LRP1: variants seen among roughly 807,000 people sequenced by gnomAD.
LRP1 encodes LDL receptor related protein 1.
Under a neutral mutation model 541.5 loss-of-function variants are expected in LRP1, and 51 were observed. That is an observed-to-expected ratio of 0.09 (90% CI 0.08 to 0.12). The LOEUF is 0.12. Ranked by LOEUF, LRP1 falls within the 10% of genes least tolerant of loss-of-function variation. The pLI is 1.00. For missense variants in LRP1, 3,878 were observed against 6,376.2 expected, an observed-to-expected ratio of 0.61 and a Z score of 13.34; for synonymous variants, 2,219 against 2,470.8, an observed-to-expected ratio of 0.90 and a Z score of 3.02.
chr12:57,212,505 G>A lies in LRP1; in HGVS notation c.13585G>A (p.Glu4529Lys). ...HSLASTDEKR[E>K]LLGRGPEDEI... is the part of the protein sequence containing the mutation. ...CCTGGCCAGCACGGACGAGAAGCGA[G>A]AACTCCTGGGCCGGGGCCCTGAGGA... Residue 4529 changes from glutamate (E) to lysine (K), a missense_variant, in exon 89 of 89, where the codon GAA becomes AAA. This residue lies in a region of LRP1 where 871 missense variants were observed against 1,212.4 expected (regional missense o/e 0.72). Coordinates refer to ENST00000243077, the MANE Select transcript of LRP1 (RefSeq NM_002332.3). This position sits in a 1 kb window ranked among gnomAD's most constrained non-coding sequence, Gnocchi z 5.0. 2.5e-6 allele frequency: 4 copies of A among 1,613,902 alleles called. No homozygotes were observed. Among genetic ancestry groups the A allele is most frequent in the Non-Finnish European group, 3.4e-6 (4 of 1,179,922 alleles).
intron 1 of LRP1, among the ~76,000 whole-genome samples, chr12:57,134,938 A>T (rs180901548): frequency 6.6e-6 from 1 of 152,132 alleles, no homozygotes; most frequent in Non-Finnish European, 1.5e-5. Flanking sequence ...ATCTCCTGAC[A>T]TCATGATCTG....
Position 57,211,601 on chromosome 12 carries a change from C to G in LRP1, c.13193+13C>G. 6.2e-7 allele frequency: 1 copy of G among 1,612,828 alleles called. No homozygotes were observed. The highest frequency in any genetic ancestry group is 8.5e-7 in the Non-Finnish European group (1 of 1,178,888). On this transcript the variant is annotated intron_variant, in intron 85 of 88. Transcript: ENST00000243077. The surrounding 1 kb of genome is among the most constrained non-coding windows in gnomAD (Gnocchi z 4.3). ...TGCCTGAGTGCCAGTGAGTTGGGCC[C>G]GGGCTTCACCCAGGCATAGATCATC...
In LRP1 at chr12:57,201,578, A is replaced by T; in HGVS notation, c.10427A>T (p.Asp3476Val). ...CCCCGGGTCTGGGTCTGCGACCGGG[A>T]CAATGACTGTGTGGATGGCAGTGAT... ...CIPRVWVCDRDNDCVDGSDEP... is the reference protein window; with the variant it reads ...CIPRVWVCDRVNDCVDGSDEP... The change falls in exon 66 of 89, where the codon GAC (aspartate) becomes GTC (valine). Residue 3476 changes from aspartate (D) to valine (V), a missense_variant. This residue lies in a region of LRP1 where 278 missense variants were observed against 536.3 expected (regional missense o/e 0.52). Transcript: ENST00000243077. This position sits in a 1 kb window ranked among gnomAD's most constrained non-coding sequence, Gnocchi z 6.4. The T allele has an allele frequency of 6.2e-7, 1 of 1,614,044 alleles. No individual in the cohort carries two copies. The highest frequency in any genetic ancestry group is 8.5e-7 in the Non-Finnish European group (1 of 1,179,980).
rs199726731 is a variant in LRP1, at chr12:57,192,874, G to A, written c.7459G>A (p.Gly2487Ser). The A allele has an allele frequency of 2.6e-5, 42 of 1,614,124 alleles. No homozygotes were observed. Among genetic ancestry groups the A allele is most frequent in the Non-Finnish European group, 3.2e-5 (38 of 1,180,026 alleles). Residue 2487 changes from glycine to serine, a missense_variant, in exon 45 of 89, where the codon GGT becomes AGT. Transcript: ENST00000243077. ...ACTCTCTCCATGCCGAATCAACAAC[G>A]GTGGCTGCCAGGACCTGTGTCTGCT... ...CELSPCRINN[G>S]GCQDLCLLTH...
rs761479241 is a variant in LRP1 at position 57,128,978 on chromosome 12, C to G, written c.14C>G (p.Pro5Arg). The change falls in exon 1 of 89, where the codon CCG (proline) becomes CGG (arginine). Residue 5 changes from proline (P) to arginine (R), a missense_variant. This residue lies in a region of LRP1 where 293 missense variants were observed against 403.7 expected (regional missense o/e 0.73). Coordinates refer to ENST00000243077, the MANE Select transcript of LRP1 (RefSeq NM_002332.3). MLTP[P>R]LLLLLPLLSA... ...TCAGCCCACACCATGCTGACCCCGC[C>G]GTTGCTCCTGCTGCTGCCCCTGCTC... The G allele has an allele frequency of 6.4e-7, 1 of 1,551,174 alleles. No individual in the cohort carries two copies. The highest frequency in any genetic ancestry group is 8.7e-7 in the Non-Finnish European group (1 of 1,146,660).
At position 57,212,294 on chromosome 12, in the gene LRP1, A is replaced by G; in HGVS notation, c.13494+33A>G. The G allele has an allele frequency of 6.2e-7, 1 of 1,612,438 alleles. No homozygotes were observed. The highest frequency in any genetic ancestry group is 2.2e-5 in the East Asian group (1 of 44,850). On this transcript the variant is annotated intron_variant, in intron 88 of 88. Transcript: ENST00000243077. This position sits in a 1 kb window ranked among gnomAD's most constrained non-coding sequence, Gnocchi z 5.0. ...GGGAGGCGGGCAGGGTCGAGTGCCA[A>G]GAGGCCGTGGGTGGCCTAACCAAAG...
In LRP1 at chr12:57,209,151, A is replaced by G; in HGVS notation, c.12214A>G (p.Ile4072Val). ...ADAKLSVIGS[I>V]RLNGTDPIVA... ...CGCCAAGCTTTCAGTCATCGGCAGCATCCGGCTCAATGGCACGGACCCCAT... is the reference window on the plus strand; with the variant it reads ...CGCCAAGCTTTCAGTCATCGGCAGCGTCCGGCTCAATGGCACGGACCCCAT... The change falls in exon 79 of 89, where the codon ATC becomes GTC. Residue 4072 changes from isoleucine to valine, a missense_variant. By Grantham distance (29) the Ile-to-Val change is conservative (BLOSUM62 3). Around this residue, in one of 13 missense-constraint regions of LRP1, gnomAD observed 871 missense variants for 1,212.4 expected, o/e 0.72. Transcript: ENST00000243077. The G allele has an allele frequency of 1.9e-6, 3 of 1,614,112 alleles. No individual in the cohort carries two copies. Among genetic ancestry groups the G allele is most frequent in the Non-Finnish European group, 2.5e-6 (3 of 1,180,020 alleles).
chr12:57,203,814 G>T, intron 70 of LRP1: 1 of 408,372 alleles, frequency 2.4e-6, no homozygotes, highest in Non-Finnish European at 4.3e-6. Flanking sequence ...GCCCATCTAG[G>T]CCCCACCCCA....
rs148521822 is a variant in LRP1, at chr12:57,182,156, G to A, written c.5662+865G>A. On this transcript the variant is annotated intron_variant, in intron 34 of 88. Transcript: ENST00000243077. ...GTGGGGATTCACTTTGGGATGTGCTGTATCAAAGGGATAAAGGCAAGGGAG... is the reference window on the plus strand; with the variant it reads ...GTGGGGATTCACTTTGGGATGTGCTATATCAAAGGGATAAAGGCAAGGGAG... Among the ~76,000 whole-genome samples, 874 of 152,238 alleles carry A rather than the reference G, an allele frequency of 5.7e-3. 8 individuals carry two copies. Among genetic ancestry groups the A allele is most frequent in the Non-Finnish European group, 9.9e-3 (676 of 68,012 alleles).
intron 41 of LRP1, 77 bp from the exon 42 acceptor site, chr12:57,187,190 C>A: frequency 6.8e-7 from 1 of 1,469,522 alleles, no homozygotes. Flanking sequence ...GCACCTGCCC[C>A]AGGCTGTCCC....
chr12:57,200,074 C>A, intron 62 of LRP1, 49 bp downstream of exon 62: 1 of 1,512,112 alleles, frequency 6.6e-7, no homozygotes. Flanking sequence ...CCCCAACCCC[C>A]AAATCCTCCT....
intron 12 of LRP1, among the ~76,000 whole-genome samples, chr12:57,160,302 G>A (rs1565725368): frequency 1.3e-5 from 2 of 152,110 alleles, no homozygotes; most frequent in South Asian, 4.2e-4. Context: ...GTGTCTGCCT[G>A]GCCCTTGTCT....
chr12:57,161,100 T>C lies in LRP1; in HGVS notation c.2187T>C (p.Asn729=). ...ACCGCATCGAGACGATACTGCTCAA[T>C]GGCACAGACCGGAAGGTGGGCAGGC... ...FYDRIETILL[N]GTDRKIVYEG... Residue 729 remains asparagine, a synonymous_variant, in exon 13 of 89, where the codon AAT becomes AAC. Transcript: ENST00000243077. 1 of 1,613,272 alleles carries C rather than the reference T, an allele frequency of 6.2e-7. No homozygotes were observed. The highest frequency in any genetic ancestry group is 1.3e-5 in the African/African-American group (1 of 75,048).
At position 57,178,673 on chromosome 12, in the gene LRP1, A is replaced by G. The variant is rs2036099008; in HGVS notation, c.4606+70A>G. On this transcript the variant is annotated intron_variant, in intron 27 of 88. Transcript: ENST00000243077. The surrounding 1 kb of genome is among the most constrained non-coding windows in gnomAD (Gnocchi z 5.8). The stretch of plus-strand genomic sequence containing the variant: ...CTCTTTAGAAGCTGTAGAAGCTCTT[A>G]GGAGAGGAGAGGGCAGTGAGAACAG... 1 of 1,599,126 alleles carries G rather than the reference A, an allele frequency of 6.3e-7. No homozygotes were observed. Among genetic ancestry groups the G allele is most frequent in the African/African-American group, 1.3e-5 (1 of 74,570 alleles).
chr12:57,131,282 T>C (rs34518518), intron 1 of LRP1, among the ~76,000 whole-genome samples: 1 of 152,150 alleles, frequency 6.6e-6, no homozygotes, highest in African/African-American at 2.4e-5. Flanking sequence ...CCCCTGCCCT[T>C]TGGGGAGTAA....
intron 13 of LRP1, among the ~76,000 whole-genome samples, chr12:57,161,703 A>G (rs557701399): frequency 2.0e-5 from 3 of 152,170 alleles, no homozygotes; most frequent in South Asian, 2.1e-4. Context: ...CCTCTGTGCC[A>G]TTACTCATGC....
Position 57,200,826 on chromosome 12 carries a change from G to GCACCCC in LRP1, c.10225+12_10225+13insACCCCC. 6.3e-7 allele frequency: 1 copy of GCACCCC among 1,581,432 alleles called. No individual in the cohort carries two copies. Among genetic ancestry groups the GCACCCC allele is most frequent in the Non-Finnish European group, 8.6e-7 (1 of 1,157,676 alleles). ...ACGAGGCCAACTGTGGTAAGGCGCT[G>GCACCCC]CCCGCCCACCCTCCCTCCTTCCCCA... On this transcript the variant is annotated intron_variant, in intron 64 of 88. Coordinates refer to ENST00000243077, the MANE Select transcript of LRP1 (RefSeq NM_002332.3).
chr12:57,143,534 A>G, intron 3 of LRP1, 145 bp from the exon 4 acceptor site: 1 of 955,218 alleles, frequency 1.0e-6, no homozygotes, highest in South Asian at 1.8e-5. Flanking sequence ...AATATGGTAG[A>G]TGCTTCCTAA....
intron 51 of LRP1, 78 bp downstream of exon 51, chr12:57,195,179 CACCCCTGCAGACG>C (rs2036502548): frequency 1.9e-6 from 3 of 1,583,602 alleles, no homozygotes; most frequent in Non-Finnish European, 2.6e-6. Flanking sequence ...CACACACAGA[CACCCCTGCAGACG>C]ACGGCGAACC....
Sources: gnomAD v4.1 joint callset for allele counts (sites outside exome capture counted in the v4.1 genomes callset) on GRCh38, gnomAD v4.1.1 for gene constraint, gnomAD v4.1.1 regional missense constraint, Gnocchi (gnomAD v3.1) non-coding constraint, MANE v1.5 for transcripts, NCBI Gene and HGNC (gene_info 2026-07-23, HGNC 2026-07-21) for gene names.